PGAM5: variants seen among roughly 807,000 people sequenced by gnomAD.
The protein encoded by PGAM5 is PGAM family member 5, mitochondrial serine/threonine protein phosphatase, also known as serine/threonine-protein phosphatase PGAM5, mitochondrial.
Under a neutral mutation model 30.6 loss-of-function variants are expected in PGAM5, and 25 were observed. The ratio of observed to expected loss-of-function variants is 0.82; its 90% CI spans 0.60 to 1.14. The LOEUF is 1.14. PGAM5 is among the 50% of genes most tolerant of loss of function. PGAM5 has a pLI of 0.00. For synonymous variants in PGAM5, 201 were observed against 179.1 expected, an observed-to-expected ratio of 1.12 and a Z score of -0.98; for missense variants, 384 against 408.5, an observed-to-expected ratio of 0.94 and a Z score of 0.52.
intron 1 of PGAM5, among the ~76,000 whole-genome samples, chr12:132,712,167 T>C (rs2043529520): frequency 6.6e-6 from 1 of 152,190 alleles, no homozygotes; most frequent in Non-Finnish European, 1.5e-5. Context: ...ATAATATAGA[T>C]TAATTATAGT....
chr12:132,714,886 C>T lies in PGAM5; in HGVS notation c.220C>T (p.Arg74Trp), dbSNP rs148097034. 4.3e-5 allele frequency: 70 copies of T among 1,613,698 alleles called. No homozygotes were observed. Among genetic ancestry groups the T allele is most frequent in the African/African-American group, 5.3e-5 (4 of 75,048 alleles). ...RREPLSLINV[R>W]KRNVESGEEE... The stretch of plus-strand genomic sequence containing the variant: ...AGAACCACTGTCTCTGATCAACGTG[C>T]GGAAGAGGAACGTGGAATCTGGGGA... The change falls in exon 2 of 6, where the codon CGG becomes TGG. Residue 74 changes from arginine to tryptophan, a missense_variant. By Grantham distance (101) the Arg-to-Trp change is moderately radical. Transcript: ENST00000498926.
At chr12:132,718,880 C>T in intron 5 of PGAM5, 1 of 1,608,186 alleles carries the variant, frequency 6.2e-7, no homozygotes, top group Non-Finnish European at 8.5e-7. Flanking sequence ...GTGTCCGCTC[C>T]CCTCTGGGTC....
intron 1 of PGAM5, among the ~76,000 whole-genome samples, chr12:132,714,514 C>T (rs1043467327): frequency 3.9e-5 from 6 of 152,200 alleles, no homozygotes; most frequent in South Asian, 2.1e-4. Context: ...CCCCGATAGC[C>T]GCTGTCCTCT....
At chr12:132,717,678 C>G (rs1256915442) in intron 3 of PGAM5, 32 bp from the exon 4 acceptor site, 1 of 1,564,496 alleles carries the variant, frequency 6.4e-7, no homozygotes, top group Admixed American at 1.9e-5. Flanking sequence ...GCGGGGCCGC[C>G]TCACCCAGCG....
Position 132,713,725 on chromosome 12 carries a change from C to T in PGAM5, c.192-1133C>T, listed in dbSNP as rs562817005. Among the ~76,000 whole-genome samples the T allele has an allele frequency of 5.9e-5, 9 of 152,224 alleles. No individual in the cohort carries two copies. In the South Asian group the frequency reaches 1.9e-3, roughly 32 times the overall value. ...TCGCTCTGTTGCCCAGGCTGGAGTGCAGTGCAGTGCAGTGGCAAGATCATG... is the reference window on the plus strand; with the variant it reads ...TCGCTCTGTTGCCCAGGCTGGAGTGTAGTGCAGTGCAGTGGCAAGATCATG... On this transcript the variant is annotated intron_variant, in intron 1 of 5. Transcript: ENST00000498926.
chr12:132,714,980 A>G lies in PGAM5; in HGVS notation c.314A>G (p.His105Arg). ...KATRHIFLIR[H>R]SQYHVDGSLE... is the part of the protein sequence containing the mutation. Reference sequence around the variant, plus strand: ...ACGCGGCACATCTTCCTCATCAGGCATTCCCAGTACCACGTGGATGGCTCC... The same window carrying G: ...ACGCGGCACATCTTCCTCATCAGGCGTTCCCAGTACCACGTGGATGGCTCC... Residue 105 changes from histidine (H) to arginine (R), a missense_variant, in exon 2 of 6, where the codon CAT (histidine) becomes CGT (arginine). Coordinates refer to ENST00000498926, the MANE Select transcript of PGAM5 (RefSeq NM_001170543.2). 1 of 1,613,462 alleles carries G rather than the reference A, an allele frequency of 6.2e-7. No homozygotes were observed. Among genetic ancestry groups the G allele is most frequent in the Non-Finnish European group, 8.5e-7 (1 of 1,180,010 alleles).
intron 2 of PGAM5, 134 bp downstream of exon 2, chr12:132,715,170 G>C (rs2043562817): frequency 1.1e-6 from 1 of 876,148 alleles, no homozygotes; most frequent in Non-Finnish European, 1.7e-6. Context: ...GAAAGTGCTT[G>C]GGGCACTGGG....
chr12:132,718,060 A>C lies in PGAM5; in HGVS notation c.659A>C (p.Glu220Ala). Residue 220 changes from glutamate (E) to alanine (A), a missense_variant, in exon 5 of 6, where the codon GAG becomes GCG. Transcript: ENST00000498926. ...ATCCACCGCGCAGATGCCAGGCAGG[A>C]GGAGGACAGTTACGAGATCTTCATC... ...NYIHRADARQEEDSYEIFICH... is the reference protein window; with the variant it reads ...NYIHRADARQAEDSYEIFICH... 1 of 1,612,880 alleles carries C rather than the reference A, an allele frequency of 6.2e-7. No individual in the cohort carries two copies. Among genetic ancestry groups the C allele is most frequent in the Non-Finnish European group, 8.5e-7 (1 of 1,179,992 alleles).
Position 132,720,662 on chromosome 12 carries a change from C to T in PGAM5, c.720-16C>T, listed in dbSNP as rs1292334787. 1.3e-6 allele frequency: 2 copies of T among 1,532,754 alleles called. No individual in the cohort carries two copies. The highest frequency in any genetic ancestry group is 1.7e-6 in the Non-Finnish European group (2 of 1,144,552). The allele number at this position is 1,532,754 out of a possible 1,614,324, so 94.9% of individuals were successfully genotyped here. A position where few individuals can be genotyped will look rare whatever the true frequency, so the allele number is the denominator to read the frequency against. On this transcript the variant is annotated splice_polypyrimidine_tract_variant and intron_variant, in intron 5 of 5. Transcript: ENST00000498926. ...TGGCTCTAACGTGCTCTTTCTCTCT[C>T]TCTCTCTCTCCCCAGAGCACTGCAG...
chr12:132,713,535 G>A (rs1235598119), intron 1 of PGAM5, among the ~76,000 whole-genome samples: 1 of 152,138 alleles, frequency 6.6e-6, no homozygotes, highest in East Asian at 1.9e-4. Context: ...TTTATGACAG[G>A]CCCCCAGGTC....
At chr12:132,717,868 ACCAT>A in intron 4 of PGAM5, 70 bp downstream of exon 4, 2 of 1,591,310 alleles carry the variant, frequency 1.3e-6, no homozygotes, top group Non-Finnish European at 1.7e-6. Flanking sequence ...TGCTGGGCTC[ACCAT>A]CCACCACGTG....
At chr12:132,713,667 T>G (rs963120238) in intron 1 of PGAM5, among the ~76,000 whole-genome samples, 31 of 152,094 alleles carry the variant, frequency 2.0e-4, no homozygotes, top group African/African-American at 7.2e-4. Context: ...CTCTGCCGCG[T>G]TGAACTTTTT....
chr12:132,714,291 A>T (rs147177717), intron 1 of PGAM5, among the ~76,000 whole-genome samples: 40 of 152,368 alleles, frequency 2.6e-4, no homozygotes, highest in African/African-American at 8.9e-4. Context: ...TGCTGGGATT[A>T]CACGTGTGAG....
At chr12:132,718,811 C>T (rs758626636) in intron 5 of PGAM5, 1 of 1,613,562 alleles carries the variant, frequency 6.2e-7, no homozygotes. Flanking sequence ...GGGGTCCTGA[C>T]CTCTTTCACT....
rs780554673 is a variant in PGAM5, at chr12:132,715,014, G to A, written c.348G>A (p.Lys116=). The change falls in exon 2 of 6, where the codon AAG becomes AAA. Residue 116 remains lysine, a synonymous_variant. Transcript: ENST00000498926. ...ACCACGTGGATGGCTCCCTGGAGAA[G>A]GACCGCACTCTGACCCCGCTGGGTA... ...SQYHVDGSLE[K]DRTLTPLGRE... 3 of 1,612,738 alleles carry A rather than the reference G, an allele frequency of 1.9e-6. No homozygotes were observed. Among genetic ancestry groups the A allele is most frequent in the Non-Finnish European group, 1.7e-6 (2 of 1,179,730 alleles).
intron 1 of PGAM5, 88 bp from the exon 2 acceptor site, chr12:132,714,770 G>A: frequency 6.8e-7 from 1 of 1,473,732 alleles, no homozygotes; most frequent in East Asian, 2.3e-5. Context: ...TTCCCAAATA[G>A]TCTGACAATT....
In PGAM5 at chr12:132,717,299, C is replaced by A. The variant is rs113792943; in HGVS notation, c.371-140C>A. ...GCTGCCTGATCAGGGGTCGTGTTTG[C>A]GGGCGGAGGAGGGGGTGTTTGCGGG... On this transcript the variant is annotated intron_variant, in intron 2 of 5. Coordinates refer to ENST00000498926, the MANE Select transcript of PGAM5 (RefSeq NM_001170543.2). 3,936 of 870,668 alleles carry A rather than the reference C, an allele frequency of 4.5e-3. 122 individuals are homozygous for A. The African/African-American group carries it at 0.09, about 20-fold the overall frequency. The allele number at this position is 870,668 out of a possible 1,614,324, so 53.9% of individuals were successfully genotyped here.
At chr12:132,718,608 T>G in intron 5 of PGAM5, among the ~76,000 whole-genome samples, 1 of 72,458 alleles carries the variant, frequency 1.4e-5, no homozygotes, top group Admixed American at 1.7e-4. Flanking sequence ...GGTGGGGGTG[T>G]CCTGGGTGGG....
intron 2 of PGAM5, among the ~76,000 whole-genome samples, chr12:132,716,422 G>C (rs1433017383): frequency 6.6e-6 from 1 of 151,752 alleles, no homozygotes; most frequent in Non-Finnish European, 1.5e-5. Context: ...GTAGAGATGG[G>C]GTTTCACCAT....
Sources: allele counts gnomAD v4.1 joint callset (sites outside exome capture counted in the v4.1 genomes callset), GRCh38; gene constraint gnomAD v4.1.1; transcripts MANE v1.5; gene names NCBI Gene and HGNC (gene_info 2026-07-23, HGNC 2026-07-21).